Variants in DCP1B observed in about 807,000 individuals in gnomAD.
The protein encoded by DCP1B is mRNA-decapping enzyme 1B.
A neutral mutation model predicts 60.5 loss-of-function variants in DCP1B; 47 were observed. The ratio of observed to expected loss-of-function variants is 0.78; its 90% CI spans 0.61 to 0.99. The LOEUF is 0.99. DCP1B is among the 50% of genes least tolerant of loss of function. DCP1B has a pLI of 0.00. For missense variants in DCP1B, 725 were observed against 756.8 expected (o/e 0.96, Z 0.49); for synonymous variants, 267 against 280.3 (o/e 0.95, Z 0.47).
At chr12:1,993,178 C>T in intron 3 of DCP1B, 86 bp downstream of exon 3, 1 of 1,586,698 alleles carries the variant, frequency 6.3e-7, no homozygotes, top group South Asian at 1.1e-5. Context: ...ATACCAAATG[C>T]AAACACAATG....
At chr12:1,988,015 G>C (rs1251361752) in intron 3 of DCP1B, among the ~76,000 whole-genome samples, 2 of 152,084 alleles carry the variant, frequency 1.3e-5, no homozygotes. Context: ...TTCACCCTTT[G>C]ACTTTAATTT....
chr12:1,964,068 T>G (rs1009300501), intron 5 of DCP1B, among the ~76,000 whole-genome samples: 3 of 152,156 alleles, frequency 2.0e-5, no homozygotes, highest in Non-Finnish European at 4.4e-5. Flanking sequence ...CCAACATTAC[T>G]ACAAACAATA....
intron 2 of DCP1B, among the ~76,000 whole-genome samples, 183 bp downstream of exon 2, chr12:1,997,752 C>T (rs1232568677): frequency 9.9e-5 from 15 of 152,138 alleles, no homozygotes; most frequent in Admixed American, 1.3e-4. Flanking sequence ...GTATTCATCA[C>T]GATATACCAG....
intron 5 of DCP1B, among the ~76,000 whole-genome samples, chr12:1,964,978 C>T (rs2031245114): frequency 1.3e-5 from 2 of 152,008 alleles, no homozygotes; most frequent in South Asian, 4.1e-4. Flanking sequence ...GCCTTACACT[C>T]AACTTGTCTA....
intron 1 of DCP1B, among the ~76,000 whole-genome samples, chr12:2,002,774 C>T (rs1031587014): frequency 1.3e-5 from 2 of 152,108 alleles, no homozygotes; most frequent in African/African-American, 4.8e-5. Flanking sequence ...ATACCTTTAG[C>T]ATTTTTCTAC....
chr12:1,952,071 G>A (rs1477867466), intron 7 of DCP1B, among the ~76,000 whole-genome samples: 2 of 152,212 alleles, frequency 1.3e-5, no homozygotes, highest in Non-Finnish European at 2.9e-5. Context: ...ATGCACGGAG[G>A]TGCACCCTGC....
At chr12:1,988,574 T>G (rs990861924) in intron 3 of DCP1B, among the ~76,000 whole-genome samples, 2 of 152,224 alleles carry the variant, frequency 1.3e-5, no homozygotes, top group African/African-American at 4.8e-5. Context: ...CTATTTCTTG[T>G]TTATTCTATC....
rs777501710 is a variant in DCP1B at position 1,953,065 on chromosome 12, G to C, written c.875C>G (p.Pro292Arg). 6.2e-7 allele frequency: 1 copy of C among 1,614,108 alleles called. No homozygotes were observed. Among genetic ancestry groups the C allele is most frequent in the South Asian group, 1.1e-5 (1 of 91,074 alleles). The change falls in exon 7 of 9, where the codon CCA becomes CGA. Residue 292 changes from proline to arginine, a missense_variant. By Grantham distance (103) the Pro-to-Arg change is moderately radical. Transcript: ENST00000280665. ...HSPPIEKQLC[P>R]AIQKLMVRSA... Reference sequence around the variant, plus strand: ...CCTGACCATGAGTTTCTGAATGGCTGGACAGAGCTGCTTCTCAATGGGGGG... The same window carrying C: ...CCTGACCATGAGTTTCTGAATGGCTCGACAGAGCTGCTTCTCAATGGGGGG...
At chr12:1,957,558 A>T (rs1372946465) in intron 5 of DCP1B, among the ~76,000 whole-genome samples, 1 of 152,192 alleles carries the variant, frequency 6.6e-6, no homozygotes, top group Non-Finnish European at 1.5e-5. Flanking sequence ...CTTGTCTTAA[A>T]CCACAAAACA....
Position 1,965,630 on chromosome 12 carries a change from G to A in DCP1B, c.450C>T (p.Ile150=). ...CTTCTTTGCCCTCTCCTGAATTGAG[G>A]ATCACTGGGGAAATTCCTGCTCCAG... is the stretch of plus-strand genomic sequence containing the variant. ...QGTGAGISPV[I]LNSGEGKEVD... Residue 150 remains isoleucine, a synonymous_variant, in exon 5 of 9, where the codon ATC becomes ATT. Transcript: ENST00000280665. The A allele has an allele frequency of 6.2e-7, 1 of 1,613,950 alleles. No individual in the cohort carries two copies. The highest frequency in any genetic ancestry group is 1.7e-5 in the Admixed American group (1 of 60,002).
At chr12:1,993,458 T>A in intron 2 of DCP1B, 67 bp from the exon 3 acceptor site, 1 of 1,559,056 alleles carries the variant, frequency 6.4e-7, no homozygotes, top group South Asian at 1.2e-5. Context: ...ATTTTCAGTA[T>A]AAGTACATTC....
In DCP1B at chr12:1,955,565, A is replaced by G. The variant is rs879285828; in HGVS notation, c.523-5T>C. On this transcript the variant is annotated splice_region_variant and splice_polypyrimidine_tract_variant and intron_variant, in intron 5 of 8. Transcript: ENST00000280665. ...TGGCTCAGAACAGGTTTTACACTGAAATAGAAAAGAAAATCCCCTCATTTT... is the reference window on the plus strand; with the variant it reads ...TGGCTCAGAACAGGTTTTACACTGAGATAGAAAAGAAAATCCCCTCATTTT... The G allele has an allele frequency of 1.2e-6, 2 of 1,606,984 alleles. No individual in the cohort carries two copies. The highest frequency in any genetic ancestry group is 1.3e-5 in the African/African-American group (1 of 74,576).
At chr12:1,995,217 A>T (rs1469771630) in intron 2 of DCP1B, among the ~76,000 whole-genome samples, 2 of 108,554 alleles carry the variant, frequency 1.8e-5, no homozygotes, top group African/African-American at 6.1e-5. Context: ...TTCCATAGTT[A>T]AAAAAAAACC....
At chr12:1,943,128 C>T (rs897277930), downstream of DCP1B, among the ~76,000 whole-genome samples, 29 of 152,228 alleles carry the variant, frequency 1.9e-4, no homozygotes, top group African/African-American at 5.5e-4. Context: ...ACCACAGATC[C>T]CACAGAAATA....
chr12:1,997,851 G>T, intron 2 of DCP1B, 84 bp downstream of exon 2: 1 of 1,081,270 alleles, frequency 9.2e-7, no homozygotes, highest in Non-Finnish European at 1.4e-6. Flanking sequence ...AAATAAAACT[G>T]CATGCACTTG....
intron 1 of DCP1B, 145 bp downstream of exon 1, chr12:2,004,137 A>C: frequency 4.3e-6 from 5 of 1,151,260 alleles, no homozygotes; most frequent in East Asian, 2.8e-5. Flanking sequence ...CCCCATCTCC[A>C]CAACTTCGGC....
chr12:1,996,618 A>T (rs2040866674), intron 2 of DCP1B, among the ~76,000 whole-genome samples: 1 of 41,708 alleles, frequency 2.4e-5, no homozygotes, highest in African/African-American at 1.9e-4. Flanking sequence ...TGATGAGCTA[A>T]AAAAAAAAAA....
intron 2 of DCP1B, among the ~76,000 whole-genome samples, chr12:1,996,815 C>G (rs2041038763): frequency 6.6e-6 from 1 of 152,092 alleles, no homozygotes; most frequent in African/African-American, 2.4e-5. Context: ...AATCTATCCA[C>G]TGGCACTTAG....
chr12:1,942,431 C>A (rs984948898), downstream of DCP1B, among the ~76,000 whole-genome samples: 1 of 152,156 alleles, frequency 6.6e-6, no homozygotes, highest in African/African-American at 2.4e-5. Flanking sequence ...CAGCTCTGGA[C>A]CAAATGAACC....
Sources: allele counts gnomAD v4.1 joint callset (sites outside exome capture counted in the v4.1 genomes callset), GRCh38; gene constraint gnomAD v4.1.1; transcripts MANE v1.5; gene names NCBI Gene and HGNC (gene_info 2026-07-23, HGNC 2026-07-21).